The following METTL24 variants were observed in gnomAD, a reference collection of about 807,000 sequenced individuals.
METTL24 encodes the protein probable methyltransferase-like protein 24.
METTL24 carries 29 observed loss-of-function variants against 32.7 expected under a neutral mutation model. The observed-to-expected ratio is 0.89, with a 90% CI of 0.66 to 1.21. The LOEUF (loss-of-function observed/expected upper bound fraction) is 1.21, where lower values mean the gene tolerates loss of function less well. METTL24 is among the 50% of genes most tolerant of loss of function. METTL24 has a pLI of 0.00. For synonymous variants in METTL24, 163 were observed against 179.5 expected, an observed-to-expected ratio of 0.91 and a Z score of 0.73; for missense variants, 439 against 468.1, an observed-to-expected ratio of 0.94 and a Z score of 0.57.
chr6:110,356,714 C>CA (rs1477230215), intron 1 of METTL24, among the ~76,000 whole-genome samples: 1 of 152,158 alleles, frequency 6.6e-6, no homozygotes, highest in Non-Finnish European at 1.5e-5. Flanking sequence ...GTATCACGGA[C>CA]AGTGAATTAG....
At chr6:110,338,956 G>A (rs971708625) in intron 1 of METTL24, among the ~76,000 whole-genome samples, 3 of 152,178 alleles carry the variant, frequency 2.0e-5, no homozygotes, top group African/African-American at 7.2e-5. Flanking sequence ...TTTGTCATGG[G>A]AGGTTGATCC....
At chr6:110,250,202 G>C (rs993147740) in intron 4 of METTL24, among the ~76,000 whole-genome samples, 2 of 151,894 alleles carry the variant, frequency 1.3e-5, no homozygotes, top group Non-Finnish European at 2.9e-5. Context: ...TCTCACAGTT[G>C]TGAAGACTAG....
At chr6:110,296,917 T>G (rs1771430252) in intron 4 of METTL24, among the ~76,000 whole-genome samples, 1 of 152,222 alleles carries the variant, frequency 6.6e-6, no homozygotes, top group Non-Finnish European at 1.5e-5. Context: ...TCCATTTATC[T>G]AGCCCCGCAT....
chr6:110,265,166 AAAGAAAGAAAG>A lies in METTL24; in HGVS notation c.787-18917_787-18907del, dbSNP rs1562219867. On this transcript the variant is annotated intron_variant, in intron 4 of 4. Transcript: ENST00000338882. ...GAAAGAAAGAAAGAAAGAAAGAAAG[AAAGAAAGAAAG>A]AAAGAAAGAAAGAAAGAAAGAAAGT... Among the ~76,000 whole-genome samples the A allele has an allele frequency of 1.2e-3, 186 of 149,934 alleles. 2 individuals are homozygous for A. Among genetic ancestry groups the A allele is most frequent in the African/African-American group, 4.5e-3 (181 of 40,162 alleles).
At chr6:110,344,668 C>T (rs193039569) in intron 1 of METTL24, among the ~76,000 whole-genome samples, 1 of 151,846 alleles carries the variant, frequency 6.6e-6, no homozygotes, top group East Asian at 1.9e-4. Context: ...TTAGTGTTTC[C>T]CAAGCAATGG....
chr6:110,280,071 C>T (rs778613228), intron 4 of METTL24, among the ~76,000 whole-genome samples: 4 of 152,078 alleles, frequency 2.6e-5, no homozygotes, highest in East Asian at 1.9e-4. Flanking sequence ...CTCACTATTG[C>T]GAGGACAGTA....
rs558110736 is a variant in METTL24, at chr6:110,291,111, C to G, written c.786+7811G>C. On this transcript the variant is annotated intron_variant, in intron 4 of 4. Coordinates refer to ENST00000338882, the MANE Select transcript of METTL24 (RefSeq NM_001123364.3). ...ATGTATTCTGGATACAAGTCCTTTT[C>G]TGATATATTTGTGATGAATATTTTC... Among the ~76,000 whole-genome samples the G allele has an allele frequency of 3.4e-4, 51 of 152,224 alleles. No individual in the cohort carries two copies. The South Asian group carries it at 7.0e-3, about 21-fold the overall frequency.
At chr6:110,344,154 C>T (rs2114774001) in intron 1 of METTL24, among the ~76,000 whole-genome samples, 1 of 152,280 alleles carries the variant, frequency 6.6e-6, no homozygotes, top group South Asian at 2.1e-4. Flanking sequence ...CCAAGATTTA[C>T]CCCTTCAATG....
rs12661180 is a variant in METTL24 at position 110,325,300 on chromosome 6, A to G, written c.319-2428T>C. ...TTTTCTATAATGGGTCAAATAGCCA[A>G]TGTTTTAGACTTTGCAGGCCACACA... On this transcript the variant is annotated intron_variant, in intron 1 of 4. Transcript: ENST00000338882. Among the ~76,000 whole-genome samples, 39 of 152,336 alleles carry G rather than the reference A, an allele frequency of 2.6e-4. No individual in the cohort carries two copies. The East Asian group carries it at 7.3e-3, about 29-fold the overall frequency.
intron 4 of METTL24, among the ~76,000 whole-genome samples, chr6:110,274,373 G>A (rs770215749): frequency 8.5e-5 from 13 of 152,148 alleles, no homozygotes; most frequent in Non-Finnish European, 1.8e-4. Flanking sequence ...GATTACAGGC[G>A]TGAGCCACCA....
At chr6:110,280,952 C>T (rs1186428304) in intron 4 of METTL24, among the ~76,000 whole-genome samples, 1 of 152,028 alleles carries the variant, frequency 6.6e-6, no homozygotes, top group Non-Finnish European at 1.5e-5. Context: ...CATGCCTGGC[C>T]TGAGATTATC....
At chr6:110,328,761 T>C (rs372320444) in intron 1 of METTL24, among the ~76,000 whole-genome samples, 4 of 152,168 alleles carry the variant, frequency 2.6e-5, no homozygotes, top group African/African-American at 7.2e-5. Context: ...TTCAAGACCA[T>C]GTAGCATTTA....
chr6:110,339,091 T>C (rs369025212), intron 1 of METTL24, among the ~76,000 whole-genome samples: 6 of 152,206 alleles, frequency 3.9e-5, no homozygotes, highest in African/African-American at 1.2e-4. Flanking sequence ...TTCCTCCTTA[T>C]AGGAATTTAT....
chr6:110,287,214 G>GCAAAAA (rs746018134), intron 4 of METTL24, among the ~76,000 whole-genome samples: 1 of 152,094 alleles, frequency 6.6e-6, no homozygotes, highest in South Asian at 2.1e-4. Context: ...ATGAATTTTG[G>GCAAAAA]CAAAAACAAA....
intron 4 of METTL24, among the ~76,000 whole-genome samples, chr6:110,290,668 C>T (rs1435801634): frequency 1.3e-5 from 2 of 152,184 alleles, no homozygotes; most frequent in Admixed American, 1.3e-4. Flanking sequence ...ATGAATATAG[C>T]TTCTATACAC....
chr6:110,298,590 C>T (rs543185218), intron 4 of METTL24, among the ~76,000 whole-genome samples: 17 of 152,082 alleles, frequency 1.1e-4, no homozygotes, highest in African/African-American at 3.9e-4. Flanking sequence ...AAGTAGTTTG[C>T]TCTTTCTGGA....
chr6:110,315,906 T>C (rs945476466), intron 2 of METTL24, among the ~76,000 whole-genome samples: 1 of 152,168 alleles, frequency 6.6e-6, no homozygotes, highest in Admixed American at 6.5e-5. Flanking sequence ...GATGTCTTCG[T>C]TACTCACAGA....
chr6:110,310,001 T>C (rs187745088), intron 3 of METTL24, among the ~76,000 whole-genome samples: 42 of 152,344 alleles, frequency 2.8e-4, no homozygotes, highest in African/African-American at 1.0e-3. Context: ...AAAAGGGTAA[T>C]TTGGGGAAAC....
At chr6:110,253,067 C>T (rs779370373) in intron 4 of METTL24, among the ~76,000 whole-genome samples, 3 of 152,132 alleles carry the variant, frequency 2.0e-5, no homozygotes, top group Non-Finnish European at 2.9e-5. Flanking sequence ...AAGCGTAGGC[C>T]GTAAAGGGTG....
Sources: gnomAD v4.1 joint callset for allele counts (sites outside exome capture counted in the v4.1 genomes callset) on GRCh38, gnomAD v4.1.1 for gene constraint, MANE v1.5 for transcripts, NCBI Gene and HGNC (gene_info 2026-07-23, HGNC 2026-07-21) for gene names.